Variants in PRKCZ observed in about 807,000 individuals in gnomAD.
The protein encoded by PRKCZ is protein kinase C zeta.
In PRKCZ, 33 loss-of-function variants were observed where a neutral mutation model predicts 79.5. The ratio of observed to expected loss-of-function variants is 0.41; its 90% CI spans 0.31 to 0.55. The LOEUF (loss-of-function observed/expected upper bound fraction) is 0.55. Among genes scored for constraint, PRKCZ ranks in the 20% least tolerant of loss-of-function variants. The probability of loss-of-function intolerance (pLI) is 0.19; values close to 1 mark genes in which losing one functional copy is unlikely to be tolerated. For synonymous variants in PRKCZ, 342 were observed against 320.9 expected, an observed-to-expected ratio of 1.07 and a Z score of -0.70; for missense variants, 578 against 813.5, an observed-to-expected ratio of 0.71 and a Z score of 3.52.
Position 2,185,104 on chromosome 1 carries a change from G to C in PRKCZ, c.*95G>C. On this transcript the variant is annotated 3_prime_UTR_variant, in exon 18 of 18. Coordinates refer to ENST00000378567, the MANE Select transcript of PRKCZ (RefSeq NM_002744.6). ...CATGCCAGGCTGGGCACGGCTCCGA[G>C]GGCGGCCAGGGACAGACGCTTGCGC... The C allele has an allele frequency of 8.1e-7, 1 of 1,229,690 alleles. No homozygotes were observed. Among genetic ancestry groups the C allele is most frequent in the Non-Finnish European group, 1.2e-6 (1 of 866,124 alleles). The allele number at this position is 1,229,690 out of a possible 1,614,324, so 76.2% of individuals were successfully genotyped here. A position where few individuals can be genotyped will look rare whatever the true frequency, so the allele number is the denominator to read the frequency against.
chr1:2,155,142 T>TGAC (rs1443040820), intron 9 of PRKCZ, among the ~76,000 whole-genome samples: 27 of 151,818 alleles, frequency 1.8e-4, no homozygotes, highest in African/African-American at 6.3e-4. Flanking sequence ...ACGATGATGG[T>TGAC]GATGATGGTG....
At chr1:2,077,178 C>CA (rs1257242724) in intron 4 of PRKCZ, among the ~76,000 whole-genome samples, 1 of 152,218 alleles carries the variant, frequency 6.6e-6, no homozygotes, top group African/African-American at 2.4e-5. Context: ...CGTCCACGCT[C>CA]ACGTATCGGG....
intron 4 of PRKCZ, among the ~76,000 whole-genome samples, chr1:2,095,202 C>T (rs1253229994): frequency 6.6e-6 from 1 of 152,168 alleles, no homozygotes; most frequent in Non-Finnish European, 1.5e-5. Context: ...TGTCTCCTTT[C>T]CAGACCCTTC....
At chr1:2,060,212 T>C (rs1309221270) in intron 4 of PRKCZ, among the ~76,000 whole-genome samples, 2 of 152,212 alleles carry the variant, frequency 1.3e-5, no homozygotes, top group Non-Finnish European at 2.9e-5. Flanking sequence ...CATGCCTTGT[T>C]CGTTGTGTGG....
rs149764291 is a variant in PRKCZ at position 2,179,972 on chromosome 1, G to A, written c.1576-4611G>A. Among the ~76,000 whole-genome samples the A allele has an allele frequency of 7.7e-3, 1,170 of 152,320 alleles. 7 individuals carry two copies. The highest frequency in any genetic ancestry group is 0.012 in the Non-Finnish European group (818 of 68,022). ...AGAGAGATGGCTGGGTCTGGGCAGC[G>A]GGTGGGAGCAGGAGGGAGGCGGTTA... On this transcript the variant is annotated intron_variant, in intron 16 of 17. Coordinates refer to ENST00000378567, the MANE Select transcript of PRKCZ (RefSeq NM_002744.6).
intron 4 of PRKCZ, among the ~76,000 whole-genome samples, chr1:2,096,130 G>C (rs972121043): frequency 6.6e-6 from 1 of 151,838 alleles, no homozygotes; most frequent in African/African-American, 2.4e-5. Context: ...AAGCAGATGG[G>C]GACCTCGGCT....
At chr1:2,117,830 C>T (rs573209659) in intron 4 of PRKCZ, among the ~76,000 whole-genome samples, 86 of 152,064 alleles carry the variant, frequency 5.7e-4, no homozygotes, top group East Asian at 7.7e-4. Context: ...TCTGTTCATA[C>T]GATGAATTCT....
chr1:2,055,689 G>T, intron 2 of PRKCZ, 127 bp downstream of exon 2: 4 of 1,385,890 alleles, frequency 2.9e-6, no homozygotes, highest in Non-Finnish European at 3.8e-6. Context: ...AAACTTGTTG[G>T]CGCCAACTTT....
intron 4 of PRKCZ, among the ~76,000 whole-genome samples, chr1:2,078,999 C>A (rs576413898): frequency 6.6e-6 from 1 of 152,134 alleles, no homozygotes; most frequent in East Asian, 1.9e-4. Context: ...CCCGCCACCA[C>A]GCCCAGCTAA....
intron 4 of PRKCZ, among the ~76,000 whole-genome samples, chr1:2,102,525 G>A (rs928272042): frequency 2.0e-5 from 3 of 151,748 alleles, no homozygotes; most frequent in Non-Finnish European, 4.4e-5. Context: ...GTAGAGATGG[G>A]GTTTCACTGT....
chr1:2,125,249 C>G lies in PRKCZ; in HGVS notation c.335-10013C>G, dbSNP rs1673643396. Among the ~76,000 whole-genome samples, 1 of 152,218 alleles carries G rather than the reference C, an allele frequency of 6.6e-6. No homozygotes were observed. Among genetic ancestry groups the G allele is most frequent in the Non-Finnish European group, 1.5e-5 (1 of 68,034 alleles). ...TTGGTATGAATTTATTTGCAACTGA[C>G]TGCTTGGAAGTTGGCGTACATCTTT... On this transcript the variant is annotated intron_variant, in intron 4 of 17. Transcript: ENST00000378567. The surrounding 1 kb of genome is among the most constrained non-coding windows in gnomAD (Gnocchi z 4.2).
At chr1:2,150,756 T>C (rs534242756) in intron 8 of PRKCZ, 34 bp from the exon 9 acceptor site, 1 of 1,593,782 alleles carries the variant, frequency 6.3e-7, no homozygotes, top group South Asian at 1.1e-5. Context: ...GGAACCCCCC[T>C]CTCACTTTCT....
rs557170619 is a variant in PRKCZ at position 2,127,081 on chromosome 1, G to T, written c.335-8181G>T. On this transcript the variant is annotated intron_variant, in intron 4 of 17. Coordinates refer to ENST00000378567, the MANE Select transcript of PRKCZ (RefSeq NM_002744.6). This position sits in a 1 kb window ranked among gnomAD's most constrained non-coding sequence, Gnocchi z 5.1. ...TCTGTCTCTCGAGCTCTTCTGTGCC[G>T]TGTGGTTGCACTAAGCAGCTGTGGG... Among the ~76,000 whole-genome samples the T allele has an allele frequency of 6.6e-5, 10 of 152,308 alleles. No individual in the cohort carries two copies. The South Asian group carries it at 2.1e-3, about 32-fold the overall frequency.
At chr1:2,179,744 G>A (rs1686174279) in intron 16 of PRKCZ, among the ~76,000 whole-genome samples, 1 of 152,224 alleles carries the variant, frequency 6.6e-6, no homozygotes, top group Non-Finnish European at 1.5e-5. Context: ...CCGGGCCCAG[G>A]GCTGCTGGTG....
chr1:2,090,385 C>T (rs1665282395), intron 4 of PRKCZ, among the ~76,000 whole-genome samples: 1 of 152,164 alleles, frequency 6.6e-6, no homozygotes, highest in South Asian at 2.1e-4. Context: ...AGCACCTGTT[C>T]AGAGGGCCCT....
chr1:2,155,108 A>G (rs1680672956), intron 9 of PRKCZ, among the ~76,000 whole-genome samples: 1 of 152,144 alleles, frequency 6.6e-6, no homozygotes, highest in South Asian at 2.1e-4. Context: ...GATGATGGTG[A>G]TGATGATGGT....
intron 9 of PRKCZ, among the ~76,000 whole-genome samples, chr1:2,154,027 T>C (rs1054374452): frequency 6.6e-6 from 1 of 152,118 alleles, no homozygotes; most frequent in African/African-American, 2.4e-5. Context: ...GTCCAGGAGG[T>C]TCCACTCAGT....
At chr1:2,050,406 G>A (rs975218878), upstream of PRKCZ, 123 of 179,386 alleles carry the variant, frequency 6.9e-4, no homozygotes, top group African/African-American at 2.8e-3. Context: ...ACCTCGGTCC[G>A]CCATGTTCGG....
At chr1:2,134,905 A>G (rs911342434) in intron 4 of PRKCZ, 36 of 168,028 alleles carry the variant, frequency 2.1e-4, no homozygotes, top group Non-Finnish European at 4.0e-4. Flanking sequence ...AGGGGGGTGG[A>G]AAGGAAAACA....
Sources: gnomAD v4.1 joint callset for allele counts (sites outside exome capture counted in the v4.1 genomes callset) on GRCh38, gnomAD v4.1.1 for gene constraint, Gnocchi (gnomAD v3.1) non-coding constraint, MANE v1.5 for transcripts, NCBI Gene and HGNC (gene_info 2026-07-23, HGNC 2026-07-21) for gene names.